The following DNAJC5B variants were observed in gnomAD, a reference collection of about 807,000 sequenced individuals.
DNAJC5B encodes the protein dnaJ homolog subfamily C member 5B.
DNAJC5B carries 23 observed loss-of-function variants against 24.7 expected under a neutral mutation model. That is an observed-to-expected ratio of 0.93 (90% CI 0.67 to 1.32). The LOEUF (loss-of-function observed/expected upper bound fraction) is 1.32, where lower values mean the gene tolerates loss of function less well. DNAJC5B is among the 40% of genes most tolerant of loss of function. The probability of loss-of-function intolerance (pLI) is 0.00; values close to 1 mark genes in which losing one functional copy is unlikely to be tolerated. For synonymous variants in DNAJC5B, 101 were observed against 90.1 expected (o/e 1.12, Z -0.68); for missense variants, 238 against 240.8 (o/e 0.99, Z 0.08).
chr8:66,026,550 G>T (rs536724431), intron 1 of DNAJC5B, among the ~76,000 whole-genome samples: 1 of 152,252 alleles, frequency 6.6e-6, no homozygotes, highest in East Asian at 1.9e-4. Context: ...CCCCTGAGGC[G>T]CCTTGGCAGG....
intron 4 of DNAJC5B, among the ~76,000 whole-genome samples, chr8:66,077,640 A>G (rs765854386): frequency 6.6e-6 from 1 of 152,206 alleles, no homozygotes; most frequent in African/African-American, 2.4e-5. Flanking sequence ...TGGACGGTTC[A>G]CATTCATATA....
At chr8:66,096,074 G>T (rs1807946825) in intron 5 of DNAJC5B, among the ~76,000 whole-genome samples, 1 of 152,078 alleles carries the variant, frequency 6.6e-6, no homozygotes, top group Non-Finnish European at 1.5e-5. Context: ...TACAAACTGG[G>T]GGTTTAAACA....
At chr8:66,070,031 A>G (rs1807311253) in intron 3 of DNAJC5B, among the ~76,000 whole-genome samples, 1 of 152,230 alleles carries the variant, frequency 6.6e-6, no homozygotes, top group South Asian at 2.1e-4. Context: ...AAAAACTCTC[A>G]ATAAACTAGG....
At chr8:66,063,500 T>A (rs984158748) in intron 3 of DNAJC5B, among the ~76,000 whole-genome samples, 4 of 152,250 alleles carry the variant, frequency 2.6e-5, no homozygotes, top group African/African-American at 9.6e-5. Flanking sequence ...ATTTGCTTCC[T>A]GAGTTCTAAA....
intron 1 of DNAJC5B, among the ~76,000 whole-genome samples, chr8:66,036,253 G>A (rs1191188009): frequency 1.3e-5 from 2 of 152,104 alleles, no homozygotes; most frequent in Non-Finnish European, 2.9e-5. Context: ...GATTGTGTCT[G>A]GCTGGTTCCT....
intron 5 of DNAJC5B, among the ~76,000 whole-genome samples, chr8:66,082,455 T>C (rs1563608757): frequency 2.6e-5 from 4 of 152,138 alleles, no homozygotes; most frequent in African/African-American, 9.7e-5. Flanking sequence ...AAGATTTCTT[T>C]TCTGGAACAG....
intron 1 of DNAJC5B, among the ~76,000 whole-genome samples, chr8:66,023,498 G>C (rs1326024038): frequency 1.3e-5 from 2 of 152,146 alleles, no homozygotes; most frequent in Admixed American, 6.5e-5. Context: ...GGGCTGATTA[G>C]AAGTAATCCT....
At chr8:66,057,470 T>C (rs1586087321) in intron 3 of DNAJC5B, 1 of 152,036 alleles carries the variant, frequency 6.6e-6, no homozygotes, top group Non-Finnish European at 1.5e-5. Flanking sequence ...AGCATTGACA[T>C]CCTAGAAGGA....
At chr8:66,045,166 CTT>C (rs746407276) in intron 2 of DNAJC5B, among the ~76,000 whole-genome samples, 1 of 152,182 alleles carries the variant, frequency 6.6e-6, no homozygotes, top group Non-Finnish European at 1.5e-5. Flanking sequence ...GCTTTCTGGT[CTT>C]TTGGTTCCTT....
At chr8:66,062,238 G>A (rs1216303633) in intron 3 of DNAJC5B, among the ~76,000 whole-genome samples, 1 of 152,168 alleles carries the variant, frequency 6.6e-6, no homozygotes, top group Non-Finnish European at 1.5e-5. Context: ...GCTTCTTCAG[G>A]ACCATTTCTC....
upstream of DNAJC5B, among the ~76,000 whole-genome samples, chr8:66,018,435 C>T (rs1241715044): frequency 4.6e-5 from 7 of 152,118 alleles, no homozygotes; most frequent in African/African-American, 1.7e-4. Flanking sequence ...CAGAGAATTG[C>T]TTGAACCCGG....
At chr8:66,069,461 G>A (rs113090840) in intron 3 of DNAJC5B, among the ~76,000 whole-genome samples, 3,107 of 152,132 alleles carry the variant, frequency 0.02, 98 homozygotes, top group African/African-American at 0.07. Context: ...GATAAGGAGC[G>A]ATACTTCATA....
chr8:66,019,934 TTA>T (rs1264521783), upstream of DNAJC5B, among the ~76,000 whole-genome samples: 2 of 152,256 alleles, frequency 1.3e-5, no homozygotes, highest in Non-Finnish European at 2.9e-5. Flanking sequence ...AAGTTTAAAA[TTA>T]GTGTCCATTA....
chr8:66,092,456 G>T (rs1302375675), intron 5 of DNAJC5B, among the ~76,000 whole-genome samples: 1 of 152,064 alleles, frequency 6.6e-6, no homozygotes, highest in East Asian at 1.9e-4. Flanking sequence ...CCTGGCTCAG[G>T]CCTCAGCTCT....
At chr8:66,019,280 T>C (rs1191591319), upstream of DNAJC5B, among the ~76,000 whole-genome samples, 2 of 152,222 alleles carry the variant, frequency 1.3e-5, no homozygotes, top group African/African-American at 2.4e-5. Flanking sequence ...TTTTGAGAAT[T>C]ACTGATTTAG....
chr8:66,019,366 C>A (rs1806047210), upstream of DNAJC5B, among the ~76,000 whole-genome samples: 1 of 152,044 alleles, frequency 6.6e-6, no homozygotes, highest in South Asian at 2.1e-4. Context: ...TTCCATTGAA[C>A]CTTTTATAGA....
At chr8:66,019,805 T>C (rs1806061773), upstream of DNAJC5B, among the ~76,000 whole-genome samples, 1 of 152,246 alleles carries the variant, frequency 6.6e-6, no homozygotes, top group South Asian at 2.1e-4. Context: ...TTTTCTGTTA[T>C]AAACAGTGCT....
chr8:66,070,471 T>C (rs1420675149), intron 3 of DNAJC5B, among the ~76,000 whole-genome samples: 1 of 151,678 alleles, frequency 6.6e-6, no homozygotes, highest in Non-Finnish European at 1.5e-5. Context: ...ACAAAGAAAA[T>C]AAAATACCTA....
intron 3 of DNAJC5B, chr8:66,057,348 A>G (rs1219044842): frequency 6.6e-6 from 1 of 152,224 alleles, no homozygotes; most frequent in Non-Finnish European, 1.5e-5. Context: ...GACAGAGAAT[A>G]GAAATTGAGG....
Sources: gnomAD v4.1 joint callset for allele counts (sites outside exome capture counted in the v4.1 genomes callset) on GRCh38, gnomAD v4.1.1 for gene constraint, MANE v1.5 for transcripts, NCBI Gene and HGNC (gene_info 2026-07-23, HGNC 2026-07-21) for gene names.